MRPS27: variants seen among roughly 807,000 people sequenced by gnomAD.
MRPS27 encodes mitochondrial ribosomal protein S27, also known as small ribosomal subunit protein mS27.
MRPS27 carries 43 observed loss-of-function variants against 48.9 expected under a neutral mutation model. The ratio of observed to expected loss-of-function variants is 0.88; its 90% CI spans 0.69 to 1.13. The LOEUF is 1.13. MRPS27 is among the 50% of genes most tolerant of loss of function. The pLI is 0.00. For synonymous variants in MRPS27, 188 were observed against 171.9 expected, an observed-to-expected ratio of 1.09 and a Z score of -0.73; for missense variants, 467 against 476.3, an observed-to-expected ratio of 0.98 and a Z score of 0.18.
intron 3 of MRPS27, among the ~76,000 whole-genome samples, chr5:72,296,039 C>G (rs772672651): frequency 1.6e-4 from 24 of 152,136 alleles, no homozygotes; most frequent in Non-Finnish European, 2.8e-4. Flanking sequence ...TTAGAGAACT[C>G]AGTCTTGCAA....
chr5:72,257,443 T>C (rs189034061), intron 4 of MRPS27, among the ~76,000 whole-genome samples: 3 of 152,320 alleles, frequency 2.0e-5, no homozygotes, highest in Admixed American at 2.0e-4. Flanking sequence ...GGGCTGCTAG[T>C]GAAAAATTGA....
chr5:72,292,949 G>A (rs745643959), intron 4 of MRPS27, among the ~76,000 whole-genome samples: 17 of 152,102 alleles, frequency 1.1e-4, no homozygotes, highest in Non-Finnish European at 2.1e-4. Context: ...TTGTAAGTTT[G>A]CTCCGAGATG....
At chr5:72,270,634 G>C (rs562953776) in intron 4 of MRPS27, among the ~76,000 whole-genome samples, 1 of 152,118 alleles carries the variant, frequency 6.6e-6, no homozygotes, top group African/African-American at 2.4e-5. Flanking sequence ...AAATAAAGAA[G>C]GGAACATTTC....
At chr5:72,256,343 G>A (rs1028979458) in intron 4 of MRPS27, among the ~76,000 whole-genome samples, 3 of 152,064 alleles carry the variant, frequency 2.0e-5, no homozygotes, top group Non-Finnish European at 2.9e-5. Context: ...ATACTTATAT[G>A]TATTAAAAAA....
intron 4 of MRPS27, among the ~76,000 whole-genome samples, chr5:72,292,064 T>TA (rs1749834639): frequency 2.0e-5 from 3 of 152,186 alleles, no homozygotes; most frequent in Non-Finnish European, 4.4e-5. Flanking sequence ...TTTATTATCT[T>TA]ATTTAAGTTT....
At chr5:72,244,181 C>T (rs976873990) in intron 4 of MRPS27, among the ~76,000 whole-genome samples, 2 of 151,758 alleles carry the variant, frequency 1.3e-5, no homozygotes, top group African/African-American at 4.8e-5. Context: ...CTTCTGGAAT[C>T]CCTGCCTGCT....
At chr5:72,223,621 C>T in intron 10 of MRPS27, 62 bp downstream of exon 10, 1 of 1,553,950 alleles carries the variant, frequency 6.4e-7, no homozygotes, top group Non-Finnish European at 8.8e-7. Context: ...GCTTATCCAT[C>T]ACCACAGGAG....
intron 4 of MRPS27, among the ~76,000 whole-genome samples, chr5:72,274,167 A>C (rs945485701): frequency 5.9e-5 from 9 of 152,214 alleles, no homozygotes; most frequent in African/African-American, 2.2e-4. Flanking sequence ...CAGTCTGGTC[A>C]ATACGGTGAA....
chr5:72,250,837 G>C (rs1380781098), intron 4 of MRPS27, among the ~76,000 whole-genome samples: 1 of 152,130 alleles, frequency 6.6e-6, no homozygotes, highest in African/African-American at 2.4e-5. Flanking sequence ...GAGATCACAG[G>C]CATAACTGTC....
intron 4 of MRPS27, among the ~76,000 whole-genome samples, chr5:72,284,071 T>C (rs1262525312): frequency 3.3e-5 from 5 of 152,178 alleles, no homozygotes; most frequent in Non-Finnish European, 7.3e-5. Context: ...TATTATGATA[T>C]ATACTTCTTA....
chr5:72,238,790 T>C (rs1165999958), intron 4 of MRPS27, among the ~76,000 whole-genome samples: 1 of 152,198 alleles, frequency 6.6e-6, no homozygotes, highest in Non-Finnish European at 1.5e-5. Flanking sequence ...CAGCCCAGGA[T>C]GAGTTATATA....
chr5:72,291,013 G>C (rs1749803619), intron 4 of MRPS27, among the ~76,000 whole-genome samples: 1 of 152,138 alleles, frequency 6.6e-6, no homozygotes, highest in Non-Finnish European at 1.5e-5. Context: ...CTAGCACCCT[G>C]CCAGCGCTGG....
chr5:72,258,620 C>T (rs985615634), intron 4 of MRPS27, among the ~76,000 whole-genome samples: 7 of 152,092 alleles, frequency 4.6e-5, no homozygotes, highest in African/African-American at 1.7e-4. Flanking sequence ...GCTTTCTCTT[C>T]CACTCTGCCA....
chr5:72,316,607 A>C (rs955862134), intron 1 of MRPS27, among the ~76,000 whole-genome samples: 18 of 151,974 alleles, frequency 1.2e-4, no homozygotes, highest in African/African-American at 4.3e-4. Context: ...ACCTTAGGAG[A>C]TCCCCCAGCC....
Position 72,221,117 on chromosome 5 carries a change from T to G in MRPS27, c.1037A>C (p.Lys346Thr), listed in dbSNP as rs1747728634. The G allele has an allele frequency of 5.6e-6, 9 of 1,614,126 alleles. No individual in the cohort carries two copies. Among genetic ancestry groups the G allele is most frequent in the Non-Finnish European group, 6.8e-6 (8 of 1,179,998 alleles). ...ACTTAAAAGACCTTCTGACTCAATT[T>G]TGCCCAGAGCTTGAAGCTTAGAATG... is the stretch of plus-strand genomic sequence containing the variant. ...ALHSKLQALG[K>T]IESEGLLSLT... The change falls in exon 11 of 11, where the codon AAA (lysine) becomes ACA (threonine). Residue 346 changes from lysine to threonine, a missense_variant. Lys to Thr is a moderately conservative substitution (Grantham distance 78). Coordinates refer to ENST00000261413, the MANE Select transcript of MRPS27 (RefSeq NM_015084.3).
chr5:72,307,365 TAA>T (rs1750300196), intron 2 of MRPS27, among the ~76,000 whole-genome samples: 1 of 151,532 alleles, frequency 6.6e-6, no homozygotes, highest in African/African-American at 2.4e-5. Flanking sequence ...TAAAATAAAA[TAA>T]GAAAGAGAGT....
chr5:72,249,487 C>T (rs764419921), intron 4 of MRPS27, among the ~76,000 whole-genome samples: 34 of 151,270 alleles, frequency 2.2e-4, no homozygotes, highest in Middle Eastern at 3.2e-3. Context: ...AGTTCAAGAC[C>T]AGCCTGGCCA....
intron 4 of MRPS27, chr5:72,241,572 A>G (rs1748351229): frequency 7.1e-7 from 1 of 1,405,240 alleles, no homozygotes; most frequent in South Asian, 1.2e-5. Context: ...AGCAGTTCAG[A>G]CAAATAAATG....
At chr5:72,262,077 C>T (rs939153092) in intron 4 of MRPS27, among the ~76,000 whole-genome samples, 15 of 152,136 alleles carry the variant, frequency 9.9e-5, no homozygotes, top group South Asian at 2.1e-4. Flanking sequence ...TACCTATGCA[C>T]GTGACATTCC....
Sources: allele counts gnomAD v4.1 joint callset (sites outside exome capture counted in the v4.1 genomes callset), GRCh38; gene constraint gnomAD v4.1.1; transcripts MANE v1.5; gene names NCBI Gene and HGNC (gene_info 2026-07-23, HGNC 2026-07-21).